The following CNR2 variants were observed in gnomAD, a reference collection of about 807,000 sequenced individuals.
CNR2 encodes the protein cannabinoid receptor 2.
For synonymous variants in CNR2, 172 were observed against 182.2 expected (o/e 0.94, Z 0.45); for missense variants, 379 against 439.9 (o/e 0.86, Z 1.24).
chr1:23,879,110 G>A (rs1639935493), intron 1 of CNR2, among the ~76,000 whole-genome samples: 2 of 152,112 alleles, frequency 1.3e-5, no homozygotes, highest in South Asian at 4.1e-4. Context: ...ATAATAGTGA[G>A]TAATTTATGC....
At position 23,873,465 on chromosome 1, in the gene CNR2, A is replaced by AC. The variant is rs1639802326; in HGVS notation, c.*1069dup. The AC allele has an allele frequency of 6.6e-6, 1 of 152,056 alleles. No homozygotes were observed. The highest frequency in any genetic ancestry group is 1.5e-5 in the Non-Finnish European group (1 of 68,036). 9.4% of individuals were successfully genotyped at this position (152,056 alleles called of 1,614,324 possible). A position where few individuals can be genotyped will look rare whatever the true frequency, so the allele number is the denominator to read the frequency against. ...TGGTCAGGCTGGTCTCAAACTCCTGACCTCAGGTGATCCACCTGCCTTGGC... is the reference window on the plus strand; with the variant it reads ...TGGTCAGGCTGGTCTCAAACTCCTGACCCTCAGGTGATCCACCTGCCTTGGC... On this transcript the variant is annotated 3_prime_UTR_variant, in exon 2 of 2. Transcript: ENST00000374472.
chr1:23,904,009 G>C (rs1033457865), intron 1 of CNR2, among the ~76,000 whole-genome samples: 1 of 151,952 alleles, frequency 6.6e-6, no homozygotes, highest in Non-Finnish European at 1.5e-5. Context: ...CTTTCTGGGG[G>C]GCCCTTTGAA....
intron 1 of CNR2, among the ~76,000 whole-genome samples, chr1:23,885,972 A>G (rs4648920): frequency 0.87 from 131,684 of 150,884 alleles, 57,840 homozygotes; most frequent in Middle Eastern, 0.92. Flanking sequence ...GGCAGATCAC[A>G]AGGTCAGGAG....
intron 1 of CNR2, among the ~76,000 whole-genome samples, chr1:23,878,444 AT>A (rs34398263): frequency 1.4e-4 from 21 of 149,706 alleles, no homozygotes; most frequent in Admixed American, 2.0e-4. Flanking sequence ...CCAAAGCAGA[AT>A]TTTTTTTTTT....
intron 1 of CNR2, among the ~76,000 whole-genome samples, chr1:23,906,272 C>T (rs761769623): frequency 4.6e-5 from 7 of 152,002 alleles, no homozygotes; most frequent in African/African-American, 1.2e-4. Context: ...CAAATTACGT[C>T]GTCTCCTTGA....
intron 1 of CNR2, among the ~76,000 whole-genome samples, chr1:23,911,804 G>A (rs1640591700): frequency 6.6e-6 from 1 of 152,086 alleles, no homozygotes; most frequent in Non-Finnish European, 1.5e-5. Flanking sequence ...CCTGCCCAGC[G>A]CAGGTTAGGG....
At chr1:23,883,370 C>T (rs761544083) in intron 1 of CNR2, among the ~76,000 whole-genome samples, 10 of 152,158 alleles carry the variant, frequency 6.6e-5, no homozygotes, top group Non-Finnish European at 7.4e-5. Context: ...CCTGCAGGTG[C>T]GTCCAGGGAG....
At chr1:23,905,666 G>A (rs1640475200) in intron 1 of CNR2, among the ~76,000 whole-genome samples, 1 of 152,118 alleles carries the variant, frequency 6.6e-6, no homozygotes, top group South Asian at 2.1e-4. Context: ...GGGACAAAGG[G>A]ACAAGCTGGG....
At chr1:23,876,277 G>A (rs1001230504) in intron 1 of CNR2, among the ~76,000 whole-genome samples, 1 of 151,406 alleles carries the variant, frequency 6.6e-6, no homozygotes, top group African/African-American at 2.4e-5. Context: ...TGTGATCTCG[G>A]CTCACTGTAA....
At chr1:23,891,469 A>G (rs1001393560) in intron 1 of CNR2, among the ~76,000 whole-genome samples, 2 of 151,884 alleles carry the variant, frequency 1.3e-5, no homozygotes, top group Non-Finnish European at 2.9e-5. Context: ...AAATACAAAA[A>G]TTGGCCAAGT....
At chr1:23,888,599 T>C (rs570411596) in intron 1 of CNR2, among the ~76,000 whole-genome samples, 6 of 152,288 alleles carry the variant, frequency 3.9e-5, no homozygotes, top group African/African-American at 1.2e-4. Flanking sequence ...AAAAACATTT[T>C]GTGACCTGAT....
chr1:23,889,411 G>T (rs71640817), intron 1 of CNR2, among the ~76,000 whole-genome samples: 1 of 152,152 alleles, frequency 6.6e-6, no homozygotes, highest in Admixed American at 6.5e-5. Flanking sequence ...GGGAAGCCTA[G>T]GTTCTAGTCC....
chr1:23,893,979 G>A (rs1309166129), intron 1 of CNR2, among the ~76,000 whole-genome samples: 4 of 151,888 alleles, frequency 2.6e-5, no homozygotes, highest in East Asian at 1.9e-4. Flanking sequence ...AAATTAGCTG[G>A]GCATGGTGTT....
At chr1:23,883,291 A>C (rs954249901) in intron 1 of CNR2, among the ~76,000 whole-genome samples, 11 of 152,256 alleles carry the variant, frequency 7.2e-5, no homozygotes, top group African/African-American at 2.7e-4. Context: ...TTTGAAGAGC[A>C]GCTTGGCAAA....
chr1:23,891,590 G>A (rs1392186638), intron 1 of CNR2, among the ~76,000 whole-genome samples: 1 of 143,728 alleles, frequency 7.0e-6, no homozygotes, highest in Non-Finnish European at 1.5e-5. Flanking sequence ...TTGCACTCCA[G>A]CCTGGGCAAC....
chr1:23,884,409 G>A (rs190476272), intron 1 of CNR2, among the ~76,000 whole-genome samples: 438 of 35,628 alleles, frequency 0.012, 3 homozygotes, highest in African/African-American at 0.038. Context: ...GGGTTCAACC[G>A]ATTCTCATGC....
chr1:23,907,900 T>A (rs572342297), intron 1 of CNR2: 1 of 151,656 alleles, frequency 6.6e-6, no homozygotes, highest in Non-Finnish European at 1.5e-5. Flanking sequence ...TAAAGCCATA[T>A]ATCAGCCAAA....
intron 1 of CNR2, chr1:23,901,463 C>T (rs529559205): frequency 1.6e-5 from 24 of 1,539,566 alleles, no homozygotes; most frequent in African/African-American, 1.5e-4. Flanking sequence ...GCAGCCTCCC[C>T]GGGCACCTCA....
intron 1 of CNR2, among the ~76,000 whole-genome samples, chr1:23,896,461 C>T (rs1446871439): frequency 6.6e-6 from 1 of 152,230 alleles, no homozygotes; most frequent in Admixed American, 6.5e-5. Context: ...CAGTGCCTGC[C>T]ACACACTAAG....
Sources: gnomAD v4.1 joint callset for allele counts (sites outside exome capture counted in the v4.1 genomes callset) on GRCh38, gnomAD v4.1.1 for gene constraint, MANE v1.5 for transcripts, NCBI Gene and HGNC (gene_info 2026-07-23, HGNC 2026-07-21) for gene names.